The following SMYD3 variants were observed in gnomAD, a reference collection of about 807,000 sequenced individuals.
SMYD3 encodes SET and MYND domain containing 3, also known as histone-lysine N-methyltransferase SMYD3.
Under a neutral mutation model 57.7 loss-of-function variants are expected in SMYD3, and 36 were observed. That is an observed-to-expected ratio of 0.62 (90% CI 0.48 to 0.82). The LOEUF is 0.82. SMYD3 is among the 40% of genes least tolerant of loss of function. The probability of loss-of-function intolerance (pLI) is 0.00; values close to 1 mark genes in which losing one functional copy is unlikely to be tolerated. For missense variants in SMYD3, 515 were observed against 538.8 expected (o/e 0.96, Z 0.44); for synonymous variants, 211 against 195.0 (o/e 1.08, Z -0.68).
chr1:246,305,522 C>A, intron 5 of SMYD3, among the ~76,000 whole-genome samples: 1 of 152,096 alleles, frequency 6.6e-6, no homozygotes. Flanking sequence ...TCTCATAAAT[C>A]TGCTTAAAAA....
At chr1:246,195,527 C>T (rs981368089) in intron 5 of SMYD3, among the ~76,000 whole-genome samples, 2 of 152,146 alleles carry the variant, frequency 1.3e-5, no homozygotes, top group Admixed American at 6.5e-5. Context: ...TCTCCAAAAC[C>T]AGAAATCGCC....
chr1:246,242,150 T>G (rs1188255213), intron 5 of SMYD3, among the ~76,000 whole-genome samples: 8 of 152,296 alleles, frequency 5.3e-5, no homozygotes, highest in African/African-American at 1.7e-4. Flanking sequence ...ATGTGTTTGC[T>G]CTTGCTTCTC....
chr1:246,344,469 G>A (rs571737275), intron 2 of SMYD3, among the ~76,000 whole-genome samples: 2 of 152,162 alleles, frequency 1.3e-5, no homozygotes, highest in East Asian at 3.8e-4. Context: ...AGTACAGTAT[G>A]CATCTCTTTA....
chr1:245,969,836 C>CT (rs2058250318), intron 5 of SMYD3, among the ~76,000 whole-genome samples: 1 of 152,196 alleles, frequency 6.6e-6, no homozygotes, highest in African/African-American at 2.4e-5. Flanking sequence ...TATTACCTCT[C>CT]TAAGTGTGTA....
intron 5 of SMYD3, among the ~76,000 whole-genome samples, chr1:246,189,788 A>G (rs2062702616): frequency 6.6e-6 from 1 of 152,210 alleles, no homozygotes; most frequent in Non-Finnish European, 1.5e-5. Flanking sequence ...TTGAAACTCC[A>G]TCATATGCTG....
intron 5 of SMYD3, among the ~76,000 whole-genome samples, chr1:246,233,688 A>C (rs1284318015): frequency 1.2e-3 from 167 of 137,778 alleles, no homozygotes; most frequent in Non-Finnish European, 1.4e-3. Context: ...GCACTCCTTC[A>C]ATTCACACTG....
intron 1 of SMYD3, among the ~76,000 whole-genome samples, chr1:246,400,019 T>C (rs1039448357): frequency 6.6e-5 from 10 of 152,206 alleles, no homozygotes; most frequent in African/African-American, 2.4e-4. Context: ...TAAAGTTGTA[T>C]GCTAAAATTT....
At chr1:246,439,105 CG>C (rs35839272) in intron 1 of SMYD3, among the ~76,000 whole-genome samples, 67,599 of 125,250 alleles carry the variant, frequency 0.54, 18,847 homozygotes, top group Admixed American at 0.72. Flanking sequence ...TTGTTATTTT[CG>C]GGGGGGGGGG....
chr1:245,918,924 C>T (rs769831156), intron 7 of SMYD3, among the ~76,000 whole-genome samples: 1 of 152,094 alleles, frequency 6.6e-6, no homozygotes, highest in Non-Finnish European at 1.5e-5. Flanking sequence ...GCCTGTCATG[C>T]CAGAAAAAAA....
chr1:246,080,691 T>C (rs891548867), intron 5 of SMYD3, among the ~76,000 whole-genome samples: 1 of 152,204 alleles, frequency 6.6e-6, no homozygotes, highest in Non-Finnish European at 1.5e-5. Flanking sequence ...TTACTACACC[T>C]TAGTGTCCAA....
chr1:246,428,281 T>C (rs1368959357), intron 1 of SMYD3, among the ~76,000 whole-genome samples: 1 of 152,230 alleles, frequency 6.6e-6, no homozygotes, highest in African/African-American at 2.4e-5. Flanking sequence ...AGTTACTTAA[T>C]ACTTATCTTT....
At chr1:245,818,444 C>G (rs1023632089) in intron 10 of SMYD3, among the ~76,000 whole-genome samples, 30 of 152,212 alleles carry the variant, frequency 2.0e-4, no homozygotes, top group Non-Finnish European at 4.4e-4. Flanking sequence ...AAAATCATGC[C>G]AAAATGTAAA....
At chr1:245,775,274 AG>A (rs869134258) in intron 10 of SMYD3, among the ~76,000 whole-genome samples, 2 of 146,944 alleles carry the variant, frequency 1.4e-5, no homozygotes, top group African/African-American at 2.7e-5. Context: ...GTCGAGTGGA[AG>A]GGGGGAAGTG....
intron 5 of SMYD3, among the ~76,000 whole-genome samples, chr1:245,935,317 C>T (rs765676870): frequency 5.9e-5 from 9 of 152,080 alleles, no homozygotes; most frequent in African/African-American, 1.9e-4. Flanking sequence ...CTCAATATCA[C>T]CAAATGCTCA....
At chr1:246,393,078 A>C (rs911425880) in intron 1 of SMYD3, among the ~76,000 whole-genome samples, 4 of 152,212 alleles carry the variant, frequency 2.6e-5, no homozygotes, top group Non-Finnish European at 5.9e-5. Context: ...TGGTAGTCCC[A>C]CAAATCGTTA....
At chr1:245,963,568 CAGTG>C (rs1195719219) in intron 5 of SMYD3, among the ~76,000 whole-genome samples, 1 of 151,312 alleles carries the variant, frequency 6.6e-6, no homozygotes, top group South Asian at 2.1e-4. Flanking sequence ...CAGGGCCTCG[CAGTG>C]AGTATCAGAG....
chr1:246,272,807 C>T (rs2064247541), intron 5 of SMYD3, among the ~76,000 whole-genome samples: 4 of 152,112 alleles, frequency 2.6e-5, no homozygotes, highest in Admixed American at 2.6e-4. Flanking sequence ...ATAATAAAAG[C>T]ATTAGGAAGT....
chr1:246,332,021 G>GC (rs2065469898), intron 3 of SMYD3, among the ~76,000 whole-genome samples: 1 of 152,056 alleles, frequency 6.6e-6, no homozygotes, highest in South Asian at 2.1e-4. Context: ...CTCTCCTCAG[G>GC]CCTCTGTATT....
At chr1:245,995,277 C>T (rs531273318) in intron 5 of SMYD3, among the ~76,000 whole-genome samples, 89 of 152,292 alleles carry the variant, frequency 5.8e-4, no homozygotes, top group Middle Eastern at 6.8e-3. Context: ...CTGTGCTACA[C>T]GGAAGTCATG....
Sources: gnomAD v4.1 joint callset for allele counts (sites outside exome capture counted in the v4.1 genomes callset) on GRCh38, gnomAD v4.1.1 for gene constraint, MANE v1.5 for transcripts, NCBI Gene and HGNC (gene_info 2026-07-23, HGNC 2026-07-21) for gene names.